Variants in FAM13A observed in about 807,000 individuals in gnomAD.
The protein encoded by FAM13A is family with sequence similarity 13 member A.
Under a neutral mutation model 129.6 loss-of-function variants are expected in FAM13A, and 76 were observed. That is an observed-to-expected ratio of 0.59 (90% CI 0.49 to 0.71). The LOEUF (loss-of-function observed/expected upper bound fraction) is 0.71. FAM13A is among the 30% of genes least tolerant of loss of function. FAM13A has a pLI of 0.00. For missense variants in FAM13A, 1,108 were observed against 1,249.3 expected (o/e 0.89, Z 1.70); for synonymous variants, 443 against 449.9 (o/e 0.98, Z 0.20).
chr4:88,894,626 A>C (rs1745980160), intron 6 of FAM13A, among the ~76,000 whole-genome samples: 1 of 152,146 alleles, frequency 6.6e-6, no homozygotes, highest in African/African-American at 2.4e-5. Flanking sequence ...GGTTCAAGCA[A>C]TTCTTGTGCC....
At chr4:88,838,650 C>A (rs1735251303) in intron 7 of FAM13A, among the ~76,000 whole-genome samples, 1 of 151,950 alleles carries the variant, frequency 6.6e-6, no homozygotes, top group Non-Finnish European at 1.5e-5. Flanking sequence ...TGGCGTGAAC[C>A]CGGGAGGCGG....
At chr4:88,945,727 T>C (rs1371799990) in intron 4 of FAM13A, among the ~76,000 whole-genome samples, 1 of 144,436 alleles carries the variant, frequency 6.9e-6, no homozygotes, top group Non-Finnish European at 1.5e-5. Flanking sequence ...AAAAGTCACA[T>C]TTTCTTACTA....
At chr4:88,865,789 T>C (rs1228859600) in intron 6 of FAM13A, among the ~76,000 whole-genome samples, 1 of 151,900 alleles carries the variant, frequency 6.6e-6, no homozygotes, top group Admixed American at 6.6e-5. Flanking sequence ...CAAAAATAGA[T>C]GGTACGCGGG....
intron 17 of FAM13A, among the ~76,000 whole-genome samples, chr4:88,748,228 G>GT (rs1741797220): frequency 1.3e-5 from 2 of 152,272 alleles, no homozygotes; most frequent in South Asian, 4.1e-4. Flanking sequence ...AACACAAATT[G>GT]TTTTTCTGTA....
At chr4:88,938,893 T>C (rs1419685206) in intron 4 of FAM13A, among the ~76,000 whole-genome samples, 2 of 152,170 alleles carry the variant, frequency 1.3e-5, no homozygotes, top group African/African-American at 4.8e-5. Context: ...AGTTACACTA[T>C]GTAAAGAACT....
intron 6 of FAM13A, among the ~76,000 whole-genome samples, chr4:88,853,308 C>T (rs1431495363): frequency 1.3e-5 from 2 of 152,144 alleles, no homozygotes; most frequent in Non-Finnish European, 2.9e-5. Context: ...AGATAATTAA[C>T]ATATGCGTTA....
Position 89,057,130 on chromosome 4 carries a change from G to A in FAM13A, c.-166C>T, listed in dbSNP as rs11097210. ...AGCAGCTTCTAACATTTTAGGAAGA[G>A]TGGTTTTGCTTCTCTTTCCGCTGAA... On this transcript the variant is annotated 5_prime_UTR_variant, in exon 1 of 24. Coordinates refer to ENST00000264344, the MANE Select transcript of FAM13A (RefSeq NM_014883.4). The A allele has an allele frequency of 0.31, 450,998 of 1,434,066 alleles. 74,198 individuals are homozygous for A. The highest frequency in any genetic ancestry group is 0.46 in the Middle Eastern group (1,923 of 4,140). The allele number at this position is 1,434,066 out of a possible 1,614,324, so 88.8% of individuals were successfully genotyped here.
intron 6 of FAM13A, among the ~76,000 whole-genome samples, chr4:88,852,042 T>C (rs1161607136): frequency 1.3e-5 from 2 of 152,204 alleles, no homozygotes; most frequent in Admixed American, 1.3e-4. Flanking sequence ...ATGCTTGTCC[T>C]TACATCTGGA....
At position 88,992,064 on chromosome 4, in the gene FAM13A, T is replaced by C. The variant is rs753067005; in HGVS notation, c.428-914A>G. Among the ~76,000 whole-genome samples the C allele has an allele frequency of 3.9e-5, 6 of 152,268 alleles. No individual in the cohort carries two copies. The East Asian group carries it at 9.7e-4, about 25-fold the overall frequency. On this transcript the variant is annotated intron_variant, in intron 3 of 23. Transcript: ENST00000264344. ...ACCCTTGAGGTTTCCTGTTAGTAAT[T>C]TTCCACCCACTGACTGCTGCCTATC...
chr4:88,904,274 T>C (rs1041524024), intron 6 of FAM13A, among the ~76,000 whole-genome samples: 2 of 152,208 alleles, frequency 1.3e-5, no homozygotes, highest in Admixed American at 1.3e-4. Flanking sequence ...TGGGTATATG[T>C]CCAAAAGAAT....
chr4:89,039,768 G>A (rs1477616066), intron 1 of FAM13A, among the ~76,000 whole-genome samples: 1 of 151,966 alleles, frequency 6.6e-6, no homozygotes, highest in Non-Finnish European at 1.5e-5. Context: ...GGGCAACAAA[G>A]TGAGATCCCA....
chr4:88,787,676 C>A, intron 10 of FAM13A, 77 bp downstream of exon 10: 1 of 1,398,054 alleles, frequency 7.2e-7, no homozygotes, highest in South Asian at 1.3e-5. Flanking sequence ...ATGACTATAA[C>A]ACAGCGACTA....
At chr4:88,897,695 C>T (rs1472977978) in intron 6 of FAM13A, among the ~76,000 whole-genome samples, 1 of 152,156 alleles carries the variant, frequency 6.6e-6, no homozygotes, top group Non-Finnish European at 1.5e-5. Context: ...AGGCATCACC[C>T]TCACAGCTCA....
At chr4:88,944,918 A>AG (rs56084815) in intron 4 of FAM13A, among the ~76,000 whole-genome samples, 4 of 150,948 alleles carry the variant, frequency 2.6e-5, no homozygotes, top group African/African-American at 9.7e-5. Context: ...AAAAAAAAAA[A>AG]GTTCAATCTG....
intron 7 of FAM13A, among the ~76,000 whole-genome samples, chr4:88,847,797 C>T (rs944933314): frequency 2.0e-5 from 3 of 151,942 alleles, no homozygotes; most frequent in Non-Finnish European, 4.4e-5. Context: ...ATTAGCTGGG[C>T]GTGGTGGCAG....
chr4:88,787,985 C>A (rs1336418538), intron 9 of FAM13A, 53 bp from the exon 10 acceptor site: 1 of 1,466,056 alleles, frequency 6.8e-7, no homozygotes, highest in Non-Finnish European at 9.3e-7. Context: ...TCAGTGATCA[C>A]CTTAAAAAAT....
intron 10 of FAM13A, among the ~76,000 whole-genome samples, chr4:88,781,754 T>A (rs1722907102): frequency 6.6e-6 from 1 of 151,844 alleles, no homozygotes; most frequent in African/African-American, 2.4e-5. Flanking sequence ...GAATTGTATC[T>A]TCCATTTTAG....
At chr4:88,759,962 A>G (rs1744464929) in intron 13 of FAM13A, among the ~76,000 whole-genome samples, 1 of 152,240 alleles carries the variant, frequency 6.6e-6, no homozygotes, top group Non-Finnish European at 1.5e-5. Context: ...GTTTGCTCAC[A>G]AATGTATTCC....
In FAM13A at chr4:88,744,270, C is replaced by T. The variant is rs549383113; in HGVS notation, c.2466+2662G>A. ...GGTCATTATCAAATAGTGGGATACA[C>T]ACACAGTAATACAGTGACATGTAGT... On this transcript the variant is annotated intron_variant, in intron 19 of 23. Coordinates refer to ENST00000264344, the MANE Select transcript of FAM13A (RefSeq NM_014883.4). Among the ~76,000 whole-genome samples, 5 of 152,290 alleles carry T rather than the reference C, an allele frequency of 3.3e-5. No individual in the cohort carries two copies. In the East Asian group the frequency reaches 9.6e-4, roughly 29 times the overall value.
Sources: allele counts gnomAD v4.1 joint callset (sites outside exome capture counted in the v4.1 genomes callset), GRCh38; gene constraint gnomAD v4.1.1; transcripts MANE v1.5; gene names NCBI Gene and HGNC (gene_info 2026-07-23, HGNC 2026-07-21).